Variants in SMPX observed in about 807,000 individuals in gnomAD.
The protein encoded by SMPX is small muscle protein X-linked.
Under a neutral mutation model 6.3 loss-of-function variants are expected in SMPX, and 2 were observed. That is an observed-to-expected ratio of 0.32 (90% confidence interval 0.13 to 0.99). SMPX has a LOEUF of 0.99. SMPX is among the 50% of genes least tolerant of loss of function. The pLI, the probability that SMPX is intolerant of heterozygous loss-of-function variation, is 0.49. For synonymous variants in SMPX, 32 were observed against 24.7 expected, an observed-to-expected ratio of 1.30 and a Z score of -0.88; for missense variants, 60 against 66.8, an observed-to-expected ratio of 0.90 and a Z score of 0.36.
At chrX:21,724,188 C>A (rs5951458) in intron 4 of SMPX, among the ~76,000 whole-genome samples, 6 of 110,928 alleles carry the variant, frequency 5.4e-5, no homozygotes, top group African/African-American at 1.3e-4. Context: ...CAGTGAAAAC[C>A]AAGAGCTTTC....
At chrX:21,733,238 T>C (rs1341642211) in intron 4 of SMPX, among the ~76,000 whole-genome samples, 2 of 111,956 alleles carry the variant, frequency 1.8e-5, no homozygotes, top group Non-Finnish European at 3.8e-5. Flanking sequence ...AACTGCAGAT[T>C]ATTCCAACTC....
chrX:21,726,155 C>T (rs1025323201), intron 4 of SMPX, among the ~76,000 whole-genome samples: 7 of 112,038 alleles, frequency 6.2e-5, no homozygotes, highest in African/African-American at 1.9e-4. Context: ...GCCAGAGCTG[C>T]AAGTGGAGGA....
At chrX:21,710,945 G>C (rs1219544364) in intron 4 of SMPX, among the ~76,000 whole-genome samples, 1 of 112,125 alleles carries the variant, frequency 8.9e-6, no homozygotes, top group African/African-American at 3.2e-5. Flanking sequence ...GATGAAGCAG[G>C]AGCCATTGCA....
intron 2 of SMPX, among the ~76,000 whole-genome samples, chrX:21,744,620 A>G (rs1371645775): frequency 8.9e-6 from 1 of 112,363 alleles, no homozygotes; most frequent in East Asian, 2.8e-4. Flanking sequence ...TTGATGTCAA[A>G]AGGTGAATAT....
rs1158729832 is a variant in SMPX, at chrX:21,715,260, CTCTG to C, written c.*15-8870_*15-8867del. On this transcript the variant is annotated intron_variant, in intron 4 of 4. Coordinates refer to ENST00000379494, the MANE Select transcript of SMPX (RefSeq NM_014332.3). ...TTATAGGCTGTTGTAACTCACTCTG[CTCTG>C]TGTGTGTGTGTGTGTGTGTGTGTGT... Among the ~76,000 whole-genome samples, 10 of 77,549 alleles carry C rather than the reference CTCTG, an allele frequency of 1.3e-4. 1 individual carries two copies. Among genetic ancestry groups the C allele is most frequent in the Non-Finnish European group, 1.9e-4 (8 of 42,297 alleles). 67.3% of individuals were successfully genotyped at this position (77,549 alleles called of 115,157 possible).
At chrX:21,728,151 T>C (rs2092799052) in intron 4 of SMPX, among the ~76,000 whole-genome samples, 1 of 108,352 alleles carries the variant, frequency 9.2e-6, no homozygotes, top group South Asian at 4.2e-4. Flanking sequence ...TCCCCAGCAC[T>C]GCCATAATCG....
intron 4 of SMPX, among the ~76,000 whole-genome samples, chrX:21,729,031 C>T (rs2092800518): frequency 8.9e-6 from 1 of 112,124 alleles, no homozygotes; most frequent in Admixed American, 9.4e-5. Flanking sequence ...AGATAATCTG[C>T]TTTCTGATAC....
intron 4 of SMPX, among the ~76,000 whole-genome samples, chrX:21,720,013 A>G (rs984620788): frequency 2.7e-5 from 3 of 111,971 alleles, no homozygotes; most frequent in African/African-American, 6.5e-5. Flanking sequence ...CCTCGGTTTT[A>G]TCATCTAAAA....
intron 4 of SMPX, among the ~76,000 whole-genome samples, chrX:21,736,546 T>A (rs890819931): frequency 1.8e-5 from 2 of 112,155 alleles, no homozygotes; most frequent in African/African-American, 6.5e-5. Flanking sequence ...GGACATAATG[T>A]TCTTCGCACA....
chrX:21,730,645 C>T (rs1007642169), intron 4 of SMPX, among the ~76,000 whole-genome samples: 1 of 111,785 alleles, frequency 8.9e-6, no homozygotes, highest in African/African-American at 3.2e-5. Context: ...GTCTTCACAA[C>T]CCCAGATCAA....
chrX:21,732,835 AT>A lies in SMPX; in HGVS notation c.*14+4713del, dbSNP rs756382388. ...TAGGAGGTGGGGCCTTTGAGAGGTAATTAGGTTTAGATGAGGTCATGAGTGT... is the reference window on the plus strand; with the variant it reads ...TAGGAGGTGGGGCCTTTGAGAGGTAATAGGTTTAGATGAGGTCATGAGTGT... On this transcript the variant is annotated intron_variant, in intron 4 of 4. Transcript: ENST00000379494. Among the ~76,000 whole-genome samples the A allele has an allele frequency of 3.6e-5, 4 of 111,034 alleles. No individual in the cohort carries two copies. The South Asian group carries it at 1.5e-3, about 43-fold the overall frequency.
intron 4 of SMPX, among the ~76,000 whole-genome samples, chrX:21,717,855 G>A (rs972873142): frequency 1.8e-5 from 2 of 112,171 alleles, no homozygotes; most frequent in Non-Finnish European, 3.8e-5. Flanking sequence ...TAATGAATAC[G>A]GGAGGGAACA....
chrX:21,743,525 C>T (rs1232669228), intron 3 of SMPX, among the ~76,000 whole-genome samples: 1 of 111,726 alleles, frequency 9.0e-6, no homozygotes, highest in Non-Finnish European at 1.9e-5. Context: ...GTGCCAGGTA[C>T]AGTACTTAAA....
intron 2 of SMPX, among the ~76,000 whole-genome samples, chrX:21,747,261 ATTCATTT>A (rs1445646537): frequency 9.1e-6 from 1 of 110,130 alleles, no homozygotes; most frequent in Non-Finnish European, 1.9e-5. Context: ...CCTGAGGTTT[ATTCATTT>A]TAGAGATTTA....
At chrX:21,728,000 C>T (rs927721279) in intron 4 of SMPX, among the ~76,000 whole-genome samples, 8 of 111,480 alleles carry the variant, frequency 7.2e-5, no homozygotes, top group African/African-American at 2.6e-4. Flanking sequence ...AAAGGCTTCA[C>T]GGGTCGGAGA....
chrX:21,733,828 C>T (rs1392141926), intron 4 of SMPX: 10 of 313,266 alleles, frequency 3.2e-5, no homozygotes, highest in East Asian at 2.0e-4. Context: ...AAGTTTAAGA[C>T]GTAGTGCCTA....
chrX:21,740,455 G>A (rs1169866873), intron 3 of SMPX, among the ~76,000 whole-genome samples: 1 of 111,961 alleles, frequency 8.9e-6, no homozygotes, highest in Non-Finnish European at 1.9e-5. Context: ...GGGGGTCACA[G>A]GGTATTTGTA....
At chrX:21,750,336 G>A (rs993840072) in intron 2 of SMPX, among the ~76,000 whole-genome samples, 7 of 111,708 alleles carry the variant, frequency 6.3e-5, no homozygotes, top group Admixed American at 1.9e-4. Context: ...GACCAGAACC[G>A]GAGTTGGCAA....
chrX:21,756,754 C>T (rs1215455627), intron 1 of SMPX, among the ~76,000 whole-genome samples: 1 of 112,745 alleles, frequency 8.9e-6, no homozygotes, highest in African/African-American at 3.2e-5. Context: ...ATACACACTC[C>T]ACTCCCACCA....
Sources: gnomAD v4.1 joint callset for allele counts (sites outside exome capture counted in the v4.1 genomes callset) on GRCh38, gnomAD v4.1.1 for gene constraint, MANE v1.5 for transcripts, NCBI Gene and HGNC (gene_info 2026-07-23, HGNC 2026-07-21) for gene names.